The following COL23A1 variants were observed in gnomAD, a reference collection of about 807,000 sequenced individuals.
COL23A1 encodes collagen type XXIII alpha 1 chain.
Under a neutral mutation model 99.3 loss-of-function variants are expected in COL23A1, and 97 were observed. The ratio of observed to expected loss-of-function variants is 0.98; its 90% confidence interval spans 0.83 to 1.16. The LOEUF is 1.16. Ranked by LOEUF, COL23A1 falls within the 50% of genes most tolerant of loss-of-function variation. The pLI, the probability that COL23A1 is intolerant of heterozygous loss-of-function variation, is 0.00. For synonymous variants in COL23A1, 320 were observed against 308.2 expected, an observed-to-expected ratio of 1.04 and a Z score of -0.40; for missense variants, 762 against 757.4, an observed-to-expected ratio of 1.01 and a Z score of -0.07.
intron 2 of COL23A1, among the ~76,000 whole-genome samples, chr5:178,334,482 T>C (rs1760213332): frequency 6.6e-6 from 1 of 152,242 alleles, no homozygotes; most frequent in Non-Finnish European, 1.5e-5. Context: ...AATAAGCTCA[T>C]GGGAACAAGT....
chr5:178,582,528 C>A (rs1277806021), intron 1 of COL23A1, among the ~76,000 whole-genome samples: 1 of 152,136 alleles, frequency 6.6e-6, no homozygotes, highest in Non-Finnish European at 1.5e-5. Flanking sequence ...CCACACTTCG[C>A]GAGGTCCTGA....
chr5:178,375,585 G>T (rs141869663), intron 2 of COL23A1, among the ~76,000 whole-genome samples: 1 of 152,202 alleles, frequency 6.6e-6, no homozygotes, highest in Non-Finnish European at 1.5e-5. Context: ...CTGCTTTCCC[G>T]TCTTACTTCT....
intron 1 of COL23A1, among the ~76,000 whole-genome samples, chr5:178,585,184 G>A (rs922700888): frequency 4.6e-5 from 7 of 152,134 alleles, no homozygotes; most frequent in Non-Finnish European, 5.9e-5. Flanking sequence ...CAGAAGGAAG[G>A]CCCAGTTATG....
At chr5:178,445,698 G>A (rs1767119428) in intron 2 of COL23A1, among the ~76,000 whole-genome samples, 1 of 151,958 alleles carries the variant, frequency 6.6e-6, no homozygotes, top group African/African-American at 2.4e-5. Flanking sequence ...TTTAACTACA[G>A]AAAATTAAAC....
chr5:178,401,600 G>A (rs1317288781), intron 2 of COL23A1, among the ~76,000 whole-genome samples: 2 of 152,212 alleles, frequency 1.3e-5, no homozygotes, highest in African/African-American at 4.8e-5. Context: ...GGGTAATTAT[G>A]AATAATGCCG....
At position 178,590,173 on chromosome 5, in the gene COL23A1, C is replaced by A; in HGVS notation, c.25G>T (p.Gly9Cys). The stretch of plus-strand genomic sequence containing the variant: ...TTGCCCTTCCCCGCGTCGCCGCCGC[C>A]ACCGGCGCGCTCGCCTGGGCCCATG... MGPGERAG[G>C]GGDAGKGNAA... is the part of the protein sequence containing the mutation. The change falls in exon 1 of 29, where the codon GGC becomes TGC. Residue 9 changes from glycine (G) to cysteine (C), a missense_variant. By Grantham distance (159) the Gly-to-Cys change is radical. Coordinates refer to ENST00000390654, the MANE Select transcript of COL23A1 (RefSeq NM_173465.4). This position sits in a 1 kb window ranked among gnomAD's most constrained non-coding sequence, Gnocchi z 5.7. 8.2e-7 allele frequency: 1 copy of A among 1,220,918 alleles called. No homozygotes were observed. The allele number at this position is 1,220,918 out of a possible 1,614,324, so 75.6% of individuals were successfully genotyped here.
Position 178,363,468 on chromosome 5 carries a change from C to T in COL23A1, c.362-56549G>A, listed in dbSNP as rs1012434398. On this transcript the variant is annotated intron_variant, in intron 2 of 28. Transcript: ENST00000390654. ...ATTCAGTATCTATTGAGTCCTACTA[C>T]GGGTCAGTCATAGTTCTAATTAGAC... Among the ~76,000 whole-genome samples the T allele has an allele frequency of 7.2e-5, 11 of 152,350 alleles. No individual in the cohort carries two copies. The East Asian group carries it at 9.7e-4, about 13-fold the overall frequency.
intron 2 of COL23A1, among the ~76,000 whole-genome samples, chr5:178,330,066 G>C (rs934135442): frequency 6.6e-6 from 1 of 152,176 alleles, no homozygotes; most frequent in Admixed American, 6.5e-5. Context: ...CCTGGGTAGC[G>C]TCCTCTGGCT....
At chr5:178,555,158 G>A (rs1057078046) in intron 2 of COL23A1, among the ~76,000 whole-genome samples, 5 of 152,140 alleles carry the variant, frequency 3.3e-5, no homozygotes, top group Admixed American at 6.5e-5. Flanking sequence ...ATGGGTCTAC[G>A]TGTCCAAATC....
chr5:178,433,408 G>A (rs183202712), intron 2 of COL23A1, among the ~76,000 whole-genome samples: 1 of 152,348 alleles, frequency 6.6e-6, no homozygotes, highest in East Asian at 1.9e-4. Context: ...CTGTCCCTGT[G>A]GAGTTGGGGT....
intron 2 of COL23A1, among the ~76,000 whole-genome samples, chr5:178,414,958 G>T (rs970919850): frequency 1.3e-5 from 2 of 152,130 alleles, no homozygotes; most frequent in East Asian, 1.9e-4. Context: ...TAACAAGGGG[G>T]TATGAAGTGG....
At position 178,307,005 on chromosome 5, in the gene COL23A1, C is replaced by A. The variant is rs1468456014; in HGVS notation, c.362-86G>T. ...GGGCATGCCCCAGCCACCCACCTGT[C>A]CGCTCGCAACAGCTTTCTGGGAGTG... On this transcript the variant is annotated intron_variant, in intron 2 of 28. Transcript: ENST00000390654. This position sits in a 1 kb window ranked among gnomAD's most constrained non-coding sequence, Gnocchi z 4.2. 2 of 1,000,334 alleles carry A rather than the reference C, an allele frequency of 2.0e-6. No homozygotes were observed. Among genetic ancestry groups the A allele is most frequent in the Non-Finnish European group, 2.8e-6 (2 of 718,816 alleles). 62.0% of individuals were successfully genotyped at this position (1,000,334 alleles called of 1,614,324 possible).
At chr5:178,414,401 TC>T in intron 2 of COL23A1, among the ~76,000 whole-genome samples, 1 of 88,880 alleles carries the variant, frequency 1.1e-5, no homozygotes, top group Non-Finnish European at 2.0e-5. Context: ...ACTACAAATA[TC>T]CTTTTTTTAA....
intron 4 of COL23A1, among the ~76,000 whole-genome samples, chr5:178,288,984 CA>C (rs1028592730): frequency 6.6e-6 from 1 of 151,706 alleles, no homozygotes; most frequent in Admixed American, 6.6e-5. Context: ...AAAAAAGAAA[CA>C]AAAAAAACAC....
At chr5:178,485,267 T>C (rs1212626670) in intron 2 of COL23A1, among the ~76,000 whole-genome samples, 1 of 146,926 alleles carries the variant, frequency 6.8e-6, no homozygotes, top group Non-Finnish European at 1.5e-5. Context: ...AGCTCAGGAG[T>C]TCGAGACCAG....
At chr5:178,341,281 T>C (rs1024803983) in intron 2 of COL23A1, among the ~76,000 whole-genome samples, 1 of 152,178 alleles carries the variant, frequency 6.6e-6, no homozygotes, top group Non-Finnish European at 1.5e-5. Context: ...CGTGCCACCA[T>C]GCCTGACCCG....
At chr5:178,524,401 G>C (rs2113117693) in intron 2 of COL23A1, among the ~76,000 whole-genome samples, 1 of 152,338 alleles carries the variant, frequency 6.6e-6, no homozygotes, top group African/African-American at 2.4e-5. Flanking sequence ...GGTCACATGG[G>C]TATCAGCAGA....
intron 21 of COL23A1, 101 bp from the exon 22 acceptor site, chr5:178,247,653 ATGTGCCCC>A: frequency 6.4e-7 from 1 of 1,565,038 alleles, no homozygotes; most frequent in East Asian, 2.3e-5. Context: ...CCCTCTGCCC[ATGTGCCCC>A]TCCCTGAACG....
rs151056939 is a variant in COL23A1, at chr5:178,528,525, G to C, written c.361+32157C>G. On this transcript the variant is annotated intron_variant, in intron 2 of 28. Transcript: ENST00000390654. ...CAAGTGACTTGCACTCATTAAATGT[G>C]AGTCAAGGCCGGGCGCAGTGGCTCA... 4.8e-3 allele frequency among the ~76,000 whole-genome samples: 734 copies of C among 152,284 alleles called. 5 individuals are homozygous for C. The highest frequency in any genetic ancestry group is 6.9e-3 in the Non-Finnish European group (470 of 68,028).
Sources: gnomAD v4.1 joint callset for allele counts (sites outside exome capture counted in the v4.1 genomes callset) on GRCh38, gnomAD v4.1.1 for gene constraint, Gnocchi (gnomAD v3.1) non-coding constraint, MANE v1.5 for transcripts, NCBI Gene and HGNC (gene_info 2026-07-23, HGNC 2026-07-21) for gene names.